Variants in SUGCT observed in about 807,000 individuals in gnomAD.
SUGCT encodes the protein succinyl-CoA:glutarate CoA-transferase.
SUGCT carries 41 observed loss-of-function variants against 55.0 expected under a neutral mutation model. That is an observed-to-expected ratio of 0.74 (90% CI 0.58 to 0.97). The LOEUF is 0.97. SUGCT is among the 50% of genes least tolerant of loss of function. The pLI is 0.00. For missense variants in SUGCT, 568 were observed against 547.8 expected (o/e 1.04, Z -0.37); for synonymous variants, 187 against 200.4 (o/e 0.93, Z 0.56).
At chr7:40,190,406 C>T (rs780002552) in intron 5 of SUGCT, among the ~76,000 whole-genome samples, 7 of 152,066 alleles carry the variant, frequency 4.6e-5, no homozygotes, top group Non-Finnish European at 8.8e-5. Flanking sequence ...TGCACTAGCA[C>T]ACCTGGCTAA....
intron 12 of SUGCT, among the ~76,000 whole-genome samples, chr7:40,574,210 C>T (rs1796601412): frequency 6.6e-6 from 1 of 152,130 alleles, no homozygotes; most frequent in Admixed American, 6.6e-5. Context: ...TCCAGCAAGC[C>T]TTTGTATATG....
intron 11 of SUGCT, among the ~76,000 whole-genome samples, chr7:40,462,957 T>C (rs1483401985): frequency 6.6e-6 from 1 of 152,220 alleles, no homozygotes; most frequent in African/African-American, 2.4e-5. Flanking sequence ...GTTACTCATT[T>C]ATTGTACTTT....
At chr7:40,514,272 G>A (rs138527680) in intron 12 of SUGCT, among the ~76,000 whole-genome samples, 5 of 152,030 alleles carry the variant, frequency 3.3e-5, no homozygotes, top group Non-Finnish European at 7.4e-5. Flanking sequence ...TGTTTTCTGA[G>A]ACCTGAAGAT....
chr7:40,461,122 T>G (rs1789774669), intron 11 of SUGCT, among the ~76,000 whole-genome samples: 1 of 152,194 alleles, frequency 6.6e-6, no homozygotes, highest in South Asian at 2.1e-4. Flanking sequence ...GTAGTTCAAA[T>G]AGTGATGACC....
the SUGCT span, among the ~76,000 whole-genome samples, chr7:40,946,598 T>C: frequency 6.6e-6 from 1 of 152,342 alleles, no homozygotes; most frequent in African/African-American, 2.4e-5. Context: ...TCTAAAGGGC[T>C]TTTTAAAGTA....
intron 9 of SUGCT, among the ~76,000 whole-genome samples, chr7:40,377,213 C>T (rs1225731236): frequency 1.6e-4 from 2 of 12,720 alleles, no homozygotes; most frequent in Admixed American, 1.5e-3. Flanking sequence ...CTTTTCTTTT[C>T]TTTCTTTTCT....
chr7:41,004,268 A>T, the SUGCT span, among the ~76,000 whole-genome samples: 1 of 152,204 alleles, frequency 6.6e-6, no homozygotes, highest in East Asian at 1.9e-4. Context: ...TCAGGCCCTG[A>T]ATATGTAGGC....
chr7:40,582,921 C>T (rs978303711), intron 12 of SUGCT, among the ~76,000 whole-genome samples: 1 of 152,068 alleles, frequency 6.6e-6, no homozygotes, highest in Non-Finnish European at 1.5e-5. Flanking sequence ...TTAGTATATC[C>T]TAAATATTGT....
chr7:40,598,807 A>T (rs1251739899), intron 12 of SUGCT, among the ~76,000 whole-genome samples: 2 of 150,700 alleles, frequency 1.3e-5, no homozygotes, highest in Non-Finnish European at 3.0e-5. Flanking sequence ...CTGTGTAGAT[A>T]GTGTGCAAAT....
intron 8 of SUGCT, among the ~76,000 whole-genome samples, chr7:40,309,440 A>G (rs1421132012): frequency 6.6e-6 from 1 of 151,996 alleles, no homozygotes; most frequent in Non-Finnish European, 1.5e-5. Flanking sequence ...GATTATAGGC[A>G]CTCACCACCA....
rs566090642 is a variant in SUGCT at position 40,569,964 on chromosome 7, T to A, written c.1089+73578T>A. ...CATGAAGTGTGGTATCCAAAGTTGA[T>A]GATATGTAGCTTGCTACCATAAAAA... is the stretch of plus-strand genomic sequence containing the variant. On this transcript the variant is annotated intron_variant, in intron 12 of 13. Transcript: ENST00000335693. 9.8e-5 allele frequency among the ~76,000 whole-genome samples: 15 copies of A among 152,336 alleles called. 1 individual carries two copies. In the South Asian group the frequency reaches 3.1e-3, roughly 32 times the overall value.
intron 7 of SUGCT, among the ~76,000 whole-genome samples, chr7:40,268,410 T>C (rs1426816959): frequency 6.6e-6 from 1 of 152,236 alleles, no homozygotes; most frequent in Non-Finnish European, 1.5e-5. Flanking sequence ...AGTGCTTCCA[T>C]GTATTAGTAG....
chr7:40,985,091 T>C, the SUGCT span, among the ~76,000 whole-genome samples: 1 of 152,172 alleles, frequency 6.6e-6, no homozygotes, highest in African/African-American at 2.4e-5. Flanking sequence ...TGGGTGTATG[T>C]TTTAACTAGA....
chr7:40,743,218 C>T (rs1217406465), intron 12 of SUGCT, among the ~76,000 whole-genome samples: 8 of 152,118 alleles, frequency 5.3e-5, no homozygotes, highest in Non-Finnish European at 1.2e-4. Flanking sequence ...AACACTAGAA[C>T]TTGATATCTA....
chr7:40,986,504 T>C, the SUGCT span, among the ~76,000 whole-genome samples: 1 of 152,178 alleles, frequency 6.6e-6, no homozygotes, highest in African/African-American at 2.4e-5. Flanking sequence ...TTAATGAGCA[T>C]ATGTGACTCC....
chr7:40,354,287 T>G (rs1238834442), intron 9 of SUGCT, among the ~76,000 whole-genome samples: 1 of 152,090 alleles, frequency 6.6e-6, no homozygotes, highest in East Asian at 1.9e-4. Context: ...ATTGAGGTAT[T>G]ACATACAACA....
chr7:40,864,819 G>A (rs534506628), downstream of SUGCT, among the ~76,000 whole-genome samples: 11 of 152,202 alleles, frequency 7.2e-5, no homozygotes, highest in Admixed American at 3.9e-4. Flanking sequence ...CCAGCCTGAC[G>A]TGTTGGTGCC....
chr7:40,186,122 T>TTCCTTCCTTCCTTCCTTCCTTC (rs1562561343), intron 3 of SUGCT, among the ~76,000 whole-genome samples: 5 of 130,666 alleles, frequency 3.8e-5, no homozygotes, highest in African/African-American at 2.1e-4. Flanking sequence ...TTCCTTCCTT[T>TTCCTTCCTTCCTTCCTTCCTTC]CTTTCCTTCT....
the SUGCT span, among the ~76,000 whole-genome samples, chr7:40,906,135 GTT>G: frequency 9.9e-5 from 14 of 141,558 alleles, no homozygotes; most frequent in Non-Finnish European, 4.6e-5. Context: ...TTTGTTTTTT[GTT>G]TTTTTTTTTG....
Sources: gnomAD v4.1 joint callset for allele counts (sites outside exome capture counted in the v4.1 genomes callset) on GRCh38, gnomAD v4.1.1 for gene constraint, MANE v1.5 for transcripts, NCBI Gene and HGNC (gene_info 2026-07-23, HGNC 2026-07-21) for gene names.